The following EYA1 variants were observed in gnomAD, a reference collection of about 807,000 sequenced individuals.
The protein encoded by EYA1 is protein phosphatase EYA1.
EYA1 carries 16 observed loss-of-function variants against 82.0 expected under a neutral mutation model. The observed-to-expected ratio is 0.20, with a 90% confidence interval of 0.13 to 0.30. EYA1 has a LOEUF of 0.30. Ranked by LOEUF, EYA1 falls within the 10% of genes least tolerant of loss-of-function variation. The pLI, the probability that EYA1 is intolerant of heterozygous loss-of-function variation, is 1.00. For synonymous variants in EYA1, 261 were observed against 264.4 expected (o/e 0.99, Z 0.12); for missense variants, 633 against 730.7 (o/e 0.87, Z 1.54).
At chr8:71,525,731 T>C (rs373488695) in intron 2 of EYA1, among the ~76,000 whole-genome samples, 17 of 152,330 alleles carry the variant, frequency 1.1e-4, no homozygotes, top group South Asian at 2.1e-4. Context: ...TCATGAAACC[T>C]GGCAGAGCAA....
intron 2 of EYA1, among the ~76,000 whole-genome samples, chr8:71,398,485 G>A (rs749118741): frequency 3.3e-5 from 5 of 152,192 alleles, no homozygotes; most frequent in Non-Finnish European, 7.3e-5. Flanking sequence ...TGGTGTGGAT[G>A]TCCTTTCTGT....
intron 2 of EYA1, among the ~76,000 whole-genome samples, chr8:71,499,492 G>A (rs1435902610): frequency 2.0e-5 from 3 of 152,144 alleles, no homozygotes; most frequent in Admixed American, 2.0e-4. Flanking sequence ...GCTGAGTGCA[G>A]TCTGATTCCA....
intron 12 of EYA1, among the ~76,000 whole-genome samples, chr8:71,239,719 T>G (rs182475369): frequency 2.6e-5 from 4 of 152,338 alleles, no homozygotes; most frequent in Admixed American, 2.6e-4. Context: ...AGAACTACAG[T>G]GTCTTCCTTG....
At chr8:71,362,088 A>G, upstream of EYA1, 1 of 982,802 alleles carries the variant, frequency 1.0e-6, no homozygotes, top group Non-Finnish European at 1.2e-6. Flanking sequence ...ACAAAGAAAC[A>G]GCAGAATCTC....
chr8:71,365,220 TTTCCC>T (rs1827686270), upstream of EYA1, among the ~76,000 whole-genome samples: 1 of 151,662 alleles, frequency 6.6e-6, no homozygotes, highest in Non-Finnish European at 1.5e-5. Context: ...CAGGTGTCCC[TTTCCC>T]TTTTAATTCC....
chr8:71,265,242 C>T (rs1329673794), intron 11 of EYA1, among the ~76,000 whole-genome samples: 2 of 151,992 alleles, frequency 1.3e-5, no homozygotes, highest in Admixed American at 6.6e-5. Context: ...TTATGCTAGA[C>T]ATGGTGCTGA....
At chr8:71,384,186 G>GT in intron 2 of EYA1, among the ~76,000 whole-genome samples, 1 of 152,132 alleles carries the variant, frequency 6.6e-6, no homozygotes, top group Non-Finnish European at 1.5e-5. Flanking sequence ...GTAATTGGTT[G>GT]TTTTCATGTT....
At chr8:71,279,995 A>T (rs922405921) in intron 9 of EYA1, among the ~76,000 whole-genome samples, 1 of 152,202 alleles carries the variant, frequency 6.6e-6, no homozygotes, top group African/African-American at 2.4e-5. Flanking sequence ...AGCACACAGA[A>T]ATGCTTGACA....
intron 2 of EYA1, among the ~76,000 whole-genome samples, chr8:71,476,499 A>T (rs1377843005): frequency 6.6e-6 from 1 of 152,160 alleles, no homozygotes; most frequent in Non-Finnish European, 1.5e-5. Context: ...CAAAATACCC[A>T]GGAGTAAATT....
At chr8:71,395,399 G>A (rs1331853029) in intron 2 of EYA1, among the ~76,000 whole-genome samples, 1 of 152,162 alleles carries the variant, frequency 6.6e-6, no homozygotes, top group Non-Finnish European at 1.5e-5. Flanking sequence ...TCCAGTTTTT[G>A]CCCATTCAGT....
intron 2 of EYA1, among the ~76,000 whole-genome samples, chr8:71,469,915 A>G (rs1226887075): frequency 6.6e-6 from 1 of 152,040 alleles, no homozygotes; most frequent in Admixed American, 6.6e-5. Flanking sequence ...CTAATGGCAA[A>G]ACTCTAAAGT....
chr8:71,409,136 C>T (rs376336441), intron 2 of EYA1, among the ~76,000 whole-genome samples: 1 of 85,612 alleles, frequency 1.2e-5, no homozygotes, highest in Non-Finnish European at 2.3e-5. Context: ...GGGTACATAA[C>T]GAAATGAAGG....
intron 2 of EYA1, among the ~76,000 whole-genome samples, chr8:71,505,687 T>C (rs1205083832): frequency 6.6e-6 from 1 of 152,196 alleles, no homozygotes; most frequent in African/African-American, 2.4e-5. Flanking sequence ...GGCCTGCTCA[T>C]TCCAGAAATA....
intron 2 of EYA1, among the ~76,000 whole-genome samples, chr8:71,470,591 G>A (rs928399795): frequency 3.9e-5 from 6 of 151,990 alleles, no homozygotes; most frequent in Non-Finnish European, 7.4e-5. Context: ...GTCTGTAGGG[G>A]TCCTTCCATA....
In EYA1 at chr8:71,410,510, T is replaced by G. The variant is rs923692298; in HGVS notation, c.34-53999A>C. Among the ~76,000 whole-genome samples the G allele has an allele frequency of 2.3e-4, 26 of 112,522 alleles. 1 individual carries two copies. In the East Asian group the frequency reaches 5.6e-3, roughly 24 times the overall value. 73.8% of individuals were successfully genotyped at this position (112,522 alleles called of 152,430 possible). On this transcript the variant is annotated intron_variant, in intron 2 of 18. Transcript: ENST00000643681. The stretch of plus-strand genomic sequence containing the variant: ...GTCTCAGCCCAAAATCTCCTTAAGC[T>G]GATAAGCAACTTCAGCAAAGTCTCA...
chr8:71,330,266 A>G (rs1459301344), intron 4 of EYA1, among the ~76,000 whole-genome samples: 1 of 152,170 alleles, frequency 6.6e-6, no homozygotes, highest in Non-Finnish European at 1.5e-5. Context: ...CATCTGCACC[A>G]CTTCATATTG....
chr8:71,413,840 C>G (rs1000826457), intron 2 of EYA1, among the ~76,000 whole-genome samples: 1 of 152,202 alleles, frequency 6.6e-6, no homozygotes, highest in Non-Finnish European at 1.5e-5. Flanking sequence ...AAATGTCTTA[C>G]TTCTAAAGGT....
chr8:71,445,630 ACT>A (rs1402364586), intron 2 of EYA1, among the ~76,000 whole-genome samples: 4 of 152,030 alleles, frequency 2.6e-5, no homozygotes, highest in Non-Finnish European at 4.4e-5. Flanking sequence ...ATCATTCCAA[ACT>A]TTTTTGTTTT....
intron 2 of EYA1, among the ~76,000 whole-genome samples, chr8:71,490,934 G>A (rs561354250): frequency 6.6e-6 from 1 of 152,070 alleles, no homozygotes; most frequent in African/African-American, 2.4e-5. Flanking sequence ...ACTTCAATTG[G>A]ATACACTTAA....
Sources: allele counts gnomAD v4.1 joint callset (sites outside exome capture counted in the v4.1 genomes callset), GRCh38; gene constraint gnomAD v4.1.1; transcripts MANE v1.5; gene names NCBI Gene and HGNC (gene_info 2026-07-23, HGNC 2026-07-21).